The following PLEKHG3 variants were observed in gnomAD, a reference collection of about 807,000 sequenced individuals.
PLEKHG3 encodes pleckstrin homology and RhoGEF domain containing G3.
A neutral mutation model predicts 94.9 loss-of-function variants in PLEKHG3; 62 were observed. The ratio of observed to expected loss-of-function variants is 0.65; its 90% CI spans 0.53 to 0.81. The LOEUF is 0.81. PLEKHG3 is among the 30% of genes least tolerant of loss of function. The pLI, the probability that PLEKHG3 is intolerant of heterozygous loss-of-function variation, is 0.00. For synonymous variants in PLEKHG3, 614 were observed against 654.0 expected, an observed-to-expected ratio of 0.94 and a Z score of 0.93; for missense variants, 1,461 against 1,619.3, an observed-to-expected ratio of 0.90 and a Z score of 1.68.
rs58480790 is a variant in PLEKHG3 at position 64,716,496 on chromosome 14, AACACACACACACACACAC to A, written c.-39-11059_-39-11042del. Among the ~76,000 whole-genome samples the A allele has an allele frequency of 7.3e-4, 58 of 79,542 alleles. No homozygotes were observed. The highest frequency in any genetic ancestry group is 2.8e-3 in the African/African-American group (56 of 19,656). 52.2% of individuals were successfully genotyped at this position (79,542 alleles called of 152,430 possible). ...ACACACACACAACACACACACACAC[AACACACACACACACACAC>A]ACACACACACACACACACACACACA... On this transcript the variant is annotated intron_variant, in intron 1 of 16. Transcript: ENST00000247226. This position sits in a 1 kb window ranked among gnomAD's most constrained non-coding sequence, Gnocchi z 5.0.
At chr14:64,707,173 A>G (rs777316579) in intron 1 of PLEKHG3, among the ~76,000 whole-genome samples, 6 of 152,198 alleles carry the variant, frequency 3.9e-5, no homozygotes, top group Non-Finnish European at 8.8e-5. Context: ...GAAGCCCTCC[A>G]GCGGGGGCCC....
intron 1 of PLEKHG3, among the ~76,000 whole-genome samples, chr14:64,710,633 T>C (rs1177862001): frequency 1.3e-5 from 2 of 152,006 alleles, no homozygotes; most frequent in East Asian, 3.9e-4. Context: ...ATTGCGCCAT[T>C]GCACTCCAGC....
intron 1 of PLEKHG3, among the ~76,000 whole-genome samples, chr14:64,707,151 C>G (rs2080984801): frequency 6.6e-6 from 1 of 152,234 alleles, no homozygotes; most frequent in Admixed American, 6.5e-5. Flanking sequence ...ACTCCATCCT[C>G]CCTCCTCAGC....
rs1228149309 is a variant in PLEKHG3 at position 64,745,134 on chromosome 14, G to C, written c.*1431G>C. 6.6e-6 allele frequency: 1 copy of C among 152,220 alleles called. No homozygotes were observed. Among genetic ancestry groups the C allele is most frequent in the African/African-American group, 2.4e-5 (1 of 41,440 alleles). The allele number at this position is 152,220 out of a possible 1,614,324, so 9.4% of individuals were successfully genotyped here. Reference sequence around the variant, plus strand: ...TGTCCTAAAGGTGTCTGCAACATTGGATGAGGAGTACAAGTGCATTTTTCT... The same window carrying C: ...TGTCCTAAAGGTGTCTGCAACATTGCATGAGGAGTACAAGTGCATTTTTCT... On this transcript the variant is annotated 3_prime_UTR_variant, in exon 17 of 17. Transcript: ENST00000247226. This position sits in a 1 kb window ranked among gnomAD's most constrained non-coding sequence, Gnocchi z 5.0.
rs761373017 is a variant in PLEKHG3, at chr14:64,732,766, G to A, written c.1247-37G>A. ...GTCTAGGGTAGGCCAAGGCCAATTG[G>A]GAATCAAAAGCTTGATCGTCTCTCT... is the stretch of plus-strand genomic sequence containing the variant. On this transcript the variant is annotated intron_variant, in intron 11 of 16. Coordinates refer to ENST00000247226, the MANE Select transcript of PLEKHG3 (RefSeq NM_001308147.2). This position sits in a 1 kb window ranked among gnomAD's most constrained non-coding sequence, Gnocchi z 4.9. 3.3e-6 allele frequency: 5 copies of A among 1,514,296 alleles called. No homozygotes were observed. In the East Asian group the frequency reaches 9.3e-5, roughly 28 times the overall value. 93.8% of individuals were successfully genotyped at this position (1,514,296 alleles called of 1,614,324 possible).
In PLEKHG3 at chr14:64,722,201, ACTTT is replaced by A. The variant is rs914549834; in HGVS notation, c.-39-5384_-39-5381del. Among the ~76,000 whole-genome samples the A allele has an allele frequency of 2.0e-5, 3 of 151,778 alleles. No individual in the cohort carries two copies. Reference sequence around the variant, plus strand: ...GCGCCATCGCCGTTCCTGAGTGAGGACTTTCTTTCTTCCTTTCTTTTTTTGTTTT... The same window carrying A: ...GCGCCATCGCCGTTCCTGAGTGAGGACTTTCTTCCTTTCTTTTTTTGTTTT... On this transcript the variant is annotated intron_variant, in intron 1 of 16. Transcript: ENST00000247226. The surrounding 1 kb of genome is among the most constrained non-coding windows in gnomAD (Gnocchi z 4.3).
At chr14:64,711,119 C>T (rs2081060909) in intron 1 of PLEKHG3, among the ~76,000 whole-genome samples, 1 of 152,148 alleles carries the variant, frequency 6.6e-6, no homozygotes, top group Non-Finnish European at 1.5e-5. Flanking sequence ...GATGAGGAAA[C>T]CAAGTCCCCA....
Position 64,741,829 on chromosome 14 carries a change from T to TGG in PLEKHG3, c.2315_2316dup (p.Ser773GlyfsTer44). 6.2e-7 allele frequency: 1 copy of TGG among 1,613,484 alleles called. No individual in the cohort carries two copies. Among genetic ancestry groups the TGG allele is most frequent in the Non-Finnish European group, 8.5e-7 (1 of 1,179,994 alleles). ...CCAGACCCAGAGCCAGTACCTCCAG[T>TGG]GGGGAGCAAGAGACAGGTGGGCTCC... On this transcript the variant is annotated frameshift_variant, in exon 16 of 17. Transcript: ENST00000247226. LOFTEE classifies it high-confidence loss of function.
At chr14:64,709,652 T>A (rs1594655380) in intron 1 of PLEKHG3, among the ~76,000 whole-genome samples, 1 of 151,780 alleles carries the variant, frequency 6.6e-6, no homozygotes, top group East Asian at 1.9e-4. Context: ...GGGAACAGGG[T>A]CCCAAAAGGA....
intron 12 of PLEKHG3, among the ~76,000 whole-genome samples, chr14:64,736,338 T>C (rs1007260499): frequency 6.6e-6 from 1 of 152,234 alleles, no homozygotes; most frequent in Non-Finnish European, 1.5e-5. Context: ...TCAGCGAGGC[T>C]TCGTGATGCC....
In PLEKHG3 at chr14:64,738,600, G is replaced by T; in HGVS notation, c.1405-142G>T. 1 of 654,324 alleles carries T rather than the reference G, an allele frequency of 1.5e-6. No individual in the cohort carries two copies. The highest frequency in any genetic ancestry group is 2.7e-6 in the Non-Finnish European group (1 of 367,740). 40.5% of individuals were successfully genotyped at this position (654,324 alleles called of 1,614,324 possible). On this transcript the variant is annotated intron_variant, in intron 14 of 16. Coordinates refer to ENST00000247226, the MANE Select transcript of PLEKHG3 (RefSeq NM_001308147.2). This position sits in a 1 kb window ranked among gnomAD's most constrained non-coding sequence, Gnocchi z 4.8. ...AGCCCCAGGCCTGGCAGTTCAGGTT[G>T]GCTCTGGAATGGCTCAGGTCCAAGA...
rs1475489423 is a variant in PLEKHG3, at chr14:64,749,881, G to A, written c.*6178G>A. 17 of 1,540,066 alleles carry A rather than the reference G, an allele frequency of 1.1e-5. No individual in the cohort carries two copies. The highest frequency in any genetic ancestry group is 1.7e-5 in the Admixed American group (1 of 59,442). The stretch of plus-strand genomic sequence containing the variant: ...TGATTTGAAAAACCCCTGAGGAGCA[G>A]CTCAGGCCTGGCACTGGTCCCCTAC... On this transcript the variant is annotated 3_prime_UTR_variant, in exon 17 of 17. Coordinates refer to ENST00000247226, the MANE Select transcript of PLEKHG3 (RefSeq NM_001308147.2). The surrounding 1 kb of genome is among the most constrained non-coding windows in gnomAD (Gnocchi z 4.7).
In PLEKHG3 at chr14:64,725,228, G is replaced by C. The variant is rs1178527053; in HGVS notation, c.-39-2365G>C. 6.6e-6 allele frequency among the ~76,000 whole-genome samples: 1 copy of C among 152,164 alleles called. No homozygotes were observed. The highest frequency in any genetic ancestry group is 2.4e-5 in the African/African-American group (1 of 41,432). ...GGGGTGGGGCTGTGAGTAATCTTTT[G>C]CTTTAAGACTGTGAACTGGCTGGCT... On this transcript the variant is annotated intron_variant, in intron 1 of 16. Coordinates refer to ENST00000247226, the MANE Select transcript of PLEKHG3 (RefSeq NM_001308147.2). This position sits in a 1 kb window ranked among gnomAD's most constrained non-coding sequence, Gnocchi z 5.0.
chr14:64,742,613 G>A (rs2081728987), intron 16 of PLEKHG3, among the ~76,000 whole-genome samples, 158 bp downstream of exon 16: 1 of 152,242 alleles, frequency 6.6e-6, no homozygotes, highest in Admixed American at 6.5e-5. Context: ...AGCCCTGGCA[G>A]CCAGTCCAGT....
chr14:64,711,367 A>C (rs1406188533), intron 1 of PLEKHG3, among the ~76,000 whole-genome samples: 1 of 152,020 alleles, frequency 6.6e-6, no homozygotes, highest in Non-Finnish European at 1.5e-5. Flanking sequence ...GCAGATTGCC[A>C]GTTATCCCAA....
rs140953418 is a variant in PLEKHG3, at chr14:64,716,912, G to A, written c.-39-10681G>A. Among the ~76,000 whole-genome samples, 4 of 152,346 alleles carry A rather than the reference G, an allele frequency of 2.6e-5. No homozygotes were observed. In the East Asian group the frequency reaches 7.7e-4, roughly 29 times the overall value. On this transcript the variant is annotated intron_variant, in intron 1 of 16. Coordinates refer to ENST00000247226, the MANE Select transcript of PLEKHG3 (RefSeq NM_001308147.2). The surrounding 1 kb of genome is among the most constrained non-coding windows in gnomAD (Gnocchi z 5.0). ...CCATGTACGCTCCCAGCTGAGGCAG[G>A]AAGTGCCCCTCCTCTACCCAGGAAC...
Position 64,730,648 on chromosome 14 carries a change from G to T in PLEKHG3, c.526G>T (p.Glu176Ter), listed in dbSNP as rs780827128. The T allele has an allele frequency of 6.2e-7, 1 of 1,610,256 alleles. No individual in the cohort carries two copies. Among genetic ancestry groups the T allele is most frequent in the Non-Finnish European group, 8.5e-7 (1 of 1,177,466 alleles). ...VASCFVERSQ[E>*]FDIYTQYCNN... is the part of the protein sequence containing the mutation. ...ATTTTTGATCTCTTCTTAGAGCCAA[G>T]AGTTTGATATCTACACTCAGTATTG... The change falls in exon 5 of 17, where the codon GAG (glutamate) becomes TAG (stop). Residue 176 changes from glutamate (E) to a stop codon, truncating the protein, a stop_gained. Coordinates refer to ENST00000247226, the MANE Select transcript of PLEKHG3 (RefSeq NM_001308147.2). LOFTEE classifies it high-confidence loss of function. The surrounding 1 kb of genome is among the most constrained non-coding windows in gnomAD (Gnocchi z 5.4).
Position 64,721,779 on chromosome 14 carries a change from C to T in PLEKHG3, c.-39-5814C>T, listed in dbSNP as rs1186174836. Among the ~76,000 whole-genome samples the T allele has an allele frequency of 6.6e-6, 1 of 152,092 alleles. No individual in the cohort carries two copies. Among genetic ancestry groups the T allele is most frequent in the Non-Finnish European group, 1.5e-5 (1 of 67,986 alleles). On this transcript the variant is annotated intron_variant, in intron 1 of 16. Transcript: ENST00000247226. The surrounding 1 kb of genome is among the most constrained non-coding windows in gnomAD (Gnocchi z 4.3). ...GGCAAGGGTCCCCTAGGAGGGGGTC[C>T]TCCCCTCCCCCAGGAGAGCCCCTAG...
rs764579399 is a variant in PLEKHG3 at position 64,732,953 on chromosome 14, G to T, written c.1345+52G>T. 2.3e-5 allele frequency: 27 copies of T among 1,163,132 alleles called. No individual in the cohort carries two copies. Among genetic ancestry groups the T allele is most frequent in the Non-Finnish European group, 3.4e-5 (27 of 789,746 alleles). The allele number at this position is 1,163,132 out of a possible 1,614,324, so 72.1% of individuals were successfully genotyped here. On this transcript the variant is annotated intron_variant, in intron 12 of 16. Coordinates refer to ENST00000247226, the MANE Select transcript of PLEKHG3 (RefSeq NM_001308147.2). The surrounding 1 kb of genome is among the most constrained non-coding windows in gnomAD (Gnocchi z 4.9). The stretch of plus-strand genomic sequence containing the variant: ...GGCCTCTCCCTCACACCCTTGCCCA[G>T]ACTGGGGACCGTCTGCGGCAGTGTC...
Sources: gnomAD v4.1 joint callset for allele counts (sites outside exome capture counted in the v4.1 genomes callset) on GRCh38, gnomAD v4.1.1 for gene constraint, Gnocchi (gnomAD v3.1) non-coding constraint, MANE v1.5 for transcripts, NCBI Gene and HGNC (gene_info 2026-07-23, HGNC 2026-07-21) for gene names.